SOX6: variants seen among roughly 807,000 people sequenced by gnomAD.
SOX6 encodes transcription factor SOX-6.
SOX6 carries 11 observed loss-of-function variants against 97.8 expected under a neutral mutation model. The ratio of observed to expected loss-of-function variants is 0.11; its 90% confidence interval spans 0.07 to 0.19. The LOEUF is 0.19. Among genes scored for constraint, SOX6 ranks in the 10% least tolerant of loss-of-function variants. SOX6 has a pLI of 1.00. For synonymous variants in SOX6, 360 were observed against 371.4 expected, an observed-to-expected ratio of 0.97 and a Z score of 0.35; for missense variants, 810 against 1,039.5, an observed-to-expected ratio of 0.78 and a Z score of 3.04.
chr11:16,523,256 A>G (rs1861101402), intron 4 of SOX6, among the ~76,000 whole-genome samples: 1 of 152,198 alleles, frequency 6.6e-6, no homozygotes, highest in Non-Finnish European at 1.5e-5. Context: ...AGCAAATGTA[A>G]AAGAACAGAA....
intron 4 of SOX6, among the ~76,000 whole-genome samples, chr11:16,568,050 A>G (rs547699548): frequency 1.3e-5 from 2 of 152,262 alleles, no homozygotes; most frequent in South Asian, 4.1e-4. Flanking sequence ...GTTTATGTAC[A>G]CAGATTTTGT....
chr11:16,131,931 G>A (rs1343073453), intron 6 of SOX6, among the ~76,000 whole-genome samples: 1 of 151,706 alleles, frequency 6.6e-6, no homozygotes, highest in African/African-American at 2.4e-5. Context: ...AACTGCAGAG[G>A]ACACAAGGAA....
chr11:16,224,558 A>G (rs925571670), intron 4 of SOX6, among the ~76,000 whole-genome samples: 3 of 152,062 alleles, frequency 2.0e-5, no homozygotes. Flanking sequence ...GCTTTTATGT[A>G]TATCACACAG....
chr11:16,258,521 A>G (rs907783906), intron 3 of SOX6, among the ~76,000 whole-genome samples: 1 of 152,032 alleles, frequency 6.6e-6, no homozygotes, highest in African/African-American at 2.4e-5. Context: ...AACTATGAAG[A>G]TATTAAAAAG....
intron 4 of SOX6, among the ~76,000 whole-genome samples, chr11:16,523,578 A>G (rs1362079330): frequency 1.6e-4 from 24 of 152,126 alleles, no homozygotes; most frequent in Non-Finnish European, 2.8e-4. Flanking sequence ...AAGAACTAGA[A>G]AAGCAAGAGC....
chr11:16,567,610 C>T (rs1303375821), intron 4 of SOX6, among the ~76,000 whole-genome samples: 2 of 142,538 alleles, frequency 1.4e-5, no homozygotes, highest in Non-Finnish European at 3.0e-5. Flanking sequence ...GCTCTGTCGC[C>T]CAGGCTGGAG....
chr11:16,496,368 C>T (rs573154152), intron 4 of SOX6, among the ~76,000 whole-genome samples: 5 of 151,472 alleles, frequency 3.3e-5, no homozygotes, highest in African/African-American at 1.2e-4. Flanking sequence ...AGGAACAGCT[C>T]CAGTCTACAG....
At chr11:16,611,404 A>G (rs1055699393) in intron 4 of SOX6, among the ~76,000 whole-genome samples, 1 of 152,238 alleles carries the variant, frequency 6.6e-6, no homozygotes, top group Admixed American at 6.5e-5. Flanking sequence ...TACTGTATAA[A>G]TTGGACAAGC....
At chr11:16,703,456 A>C (rs540049289) in intron 3 of SOX6, among the ~76,000 whole-genome samples, 8 of 152,188 alleles carry the variant, frequency 5.3e-5, no homozygotes, top group Non-Finnish European at 7.4e-5. Flanking sequence ...CTCTGTGCCA[A>C]GTTCTAGTCC....
chr11:16,091,460 AC>A (rs1848686098), intron 9 of SOX6, among the ~76,000 whole-genome samples: 1 of 152,070 alleles, frequency 6.6e-6, no homozygotes, highest in Non-Finnish European at 1.5e-5. Context: ...AAGACAGGGT[AC>A]AACAGACAGT....
At chr11:16,078,595 A>G (rs1848407759) in intron 9 of SOX6, among the ~76,000 whole-genome samples, 1 of 152,136 alleles carries the variant, frequency 6.6e-6, no homozygotes, top group South Asian at 2.1e-4. Flanking sequence ...TTGGTTTTGG[A>G]AAAGCAGACG....
intron 3 of SOX6, among the ~76,000 whole-genome samples, chr11:16,712,247 C>G (rs927094130): frequency 1.3e-5 from 2 of 152,130 alleles, no homozygotes; most frequent in Admixed American, 1.3e-4. Context: ...GGCTTCTTTC[C>G]CTCTGGGTAA....
At chr11:16,218,117 C>T (rs772057047) in intron 4 of SOX6, among the ~76,000 whole-genome samples, 36 of 152,088 alleles carry the variant, frequency 2.4e-4, no homozygotes, top group Non-Finnish European at 3.8e-4. Flanking sequence ...TTTTAACCCC[C>T]GCAAATTAAA....
At chr11:16,306,611 CTT>C (rs750981587) in intron 3 of SOX6, among the ~76,000 whole-genome samples, 357 of 120,514 alleles carry the variant, frequency 3.0e-3, no homozygotes, top group South Asian at 4.5e-3. Flanking sequence ...CCTCAAATTT[CTT>C]TTTTTTTTTT....
chr11:16,610,470 G>A lies in SOX6; in HGVS notation n.609+1611C>T, dbSNP rs1274376535. 1.3e-5 allele frequency among the ~76,000 whole-genome samples: 2 copies of A among 152,318 alleles called. No homozygotes were observed. The highest frequency in any genetic ancestry group is 2.1e-4 in the South Asian group (1 of 4,828). ...CCGACCAGATGCAGGCCGCTAGCGG[G>A]AGGCAAGAAGGAAAAGAAGGAGACA... On this transcript the variant is annotated intron_variant and non_coding_transcript_variant, in intron 4 of 5. Coordinates refer to the SOX6 transcript ENST00000524520. The surrounding 1 kb of genome is among the most constrained non-coding windows in gnomAD (Gnocchi z 4.4).
chr11:16,211,374 A>G (rs1251042847), intron 4 of SOX6, among the ~76,000 whole-genome samples: 2 of 152,172 alleles, frequency 1.3e-5, no homozygotes, highest in African/African-American at 4.8e-5. Context: ...GGCTTTTACA[A>G]TAATCCAAGC....
intron 3 of SOX6, among the ~76,000 whole-genome samples, chr11:16,712,678 T>C (rs74525018): frequency 0.011 from 1,747 of 152,276 alleles, 26 homozygotes; most frequent in African/African-American, 0.04. Context: ...TAGCTCCACC[T>C]CACCCTGAAT....
At chr11:16,297,502 A>T (rs557655546) in intron 3 of SOX6, among the ~76,000 whole-genome samples, 1 of 152,298 alleles carries the variant, frequency 6.6e-6, no homozygotes, top group Non-Finnish European at 1.5e-5. Context: ...AATCTATTTA[A>T]TGTCTGCCCC....
At chr11:16,596,459 T>C (rs890393411) in intron 4 of SOX6, among the ~76,000 whole-genome samples, 2 of 152,188 alleles carry the variant, frequency 1.3e-5, no homozygotes, top group African/African-American at 4.8e-5. Context: ...CAGTGTCAGA[T>C]CTACAGAAAA....
Sources: gnomAD v4.1 joint callset for allele counts (sites outside exome capture counted in the v4.1 genomes callset) on GRCh38, gnomAD v4.1.1 for gene constraint, Gnocchi (gnomAD v3.1) non-coding constraint, MANE v1.5 for transcripts, NCBI Gene and HGNC (gene_info 2026-07-23, HGNC 2026-07-21) for gene names.